The following STAB2 variants were observed in gnomAD, a reference collection of about 807,000 sequenced individuals.
STAB2 encodes stabilin 2.
Under a neutral mutation model 338.1 loss-of-function variants are expected in STAB2, and 288 were observed. The ratio of observed to expected loss-of-function variants is 0.85; its 90% confidence interval spans 0.77 to 0.94. STAB2 has a LOEUF of 0.94. Ranked by LOEUF, STAB2 falls within the 40% of genes least tolerant of loss-of-function variation. The pLI is 0.00. For synonymous variants in STAB2, 1,202 were observed against 1,193.3 expected (o/e 1.01, Z -0.15); for missense variants, 3,141 against 3,210.1 (o/e 0.98, Z 0.52).
At chr12:103,602,243 C>A (rs1349831611) in intron 3 of STAB2, among the ~76,000 whole-genome samples, 2 of 152,184 alleles carry the variant, frequency 1.3e-5, no homozygotes, top group Non-Finnish European at 2.9e-5. Flanking sequence ...AGTCTTGTTT[C>A]TTTCCCTTGG....
chr12:103,735,427 C>G (rs970015600), intron 51 of STAB2, 64 bp from the exon 52 acceptor site: 1 of 1,265,244 alleles, frequency 7.9e-7, no homozygotes, highest in African/African-American at 1.5e-5. Flanking sequence ...TGGTAAAGCT[C>G]CTTCGGGCCG....
intron 26 of STAB2, among the ~76,000 whole-genome samples, chr12:103,684,755 T>A (rs1469824292): frequency 6.6e-6 from 1 of 152,248 alleles, no homozygotes. Context: ...TCCTGTATTT[T>A]TTTATTTGCT....
At chr12:103,613,653 G>A (rs7978206) in intron 3 of STAB2, among the ~76,000 whole-genome samples, 1,702 of 152,072 alleles carry the variant, frequency 0.011, 44 homozygotes, top group African/African-American at 0.038. Context: ...GCAATGCCTC[G>A]CCCTGCTTCA....
At chr12:103,745,744 C>T in intron 57 of STAB2, among the ~76,000 whole-genome samples, 1 of 152,310 alleles carries the variant, frequency 6.6e-6, no homozygotes, top group African/African-American at 2.4e-5. Flanking sequence ...AAAAGAACTC[C>T]ATGCTACACA....
intron 65 of STAB2, among the ~76,000 whole-genome samples, chr12:103,760,413 A>C (rs1320560203): frequency 2.6e-5 from 4 of 152,110 alleles, no homozygotes; most frequent in Admixed American, 2.0e-4. Context: ...GGTGCCCGCC[A>C]CCACACTCAG....
intron 39 of STAB2, 72 bp downstream of exon 39, chr12:103,708,608 A>G: frequency 2.1e-6 from 3 of 1,433,908 alleles, no homozygotes; most frequent in Non-Finnish European, 1.9e-6. Context: ...TTTTCTTTCT[A>G]AAATATAAAT....
intron 18 of STAB2, among the ~76,000 whole-genome samples, chr12:103,663,761 A>C (rs1874830119): frequency 6.6e-6 from 1 of 152,178 alleles, no homozygotes; most frequent in African/African-American, 2.4e-5. Context: ...ATTTCCCAAC[A>C]AGATCACATT....
Position 103,640,168 on chromosome 12 carries a change from G to C in STAB2, c.952G>C (p.Val318Leu), listed in dbSNP as rs1338688113. The C allele has an allele frequency of 1.9e-6, 3 of 1,613,674 alleles. No individual in the cohort carries two copies. Among genetic ancestry groups the C allele is most frequent in the Non-Finnish European group, 2.5e-6 (3 of 1,179,686 alleles). Residue 318 changes from valine (V) to leucine (L), a missense_variant, in exon 9 of 69, where the codon GTG (valine) becomes CTG (leucine). Val to Leu is a conservative substitution (Grantham distance 32). Transcript: ENST00000388887. ...KEHYQNFVPGVGCSMTDICKS... is the reference protein window; with the variant it reads ...KEHYQNFVPGLGCSMTDICKS... ...GCATTACCAGAATTTCGTACCTGGA[G>C]TGGGGTGCAGTATGACTGATATATG...
intron 5 of STAB2, among the ~76,000 whole-genome samples, chr12:103,624,740 C>T (rs11111683): frequency 0.18 from 26,708 of 151,984 alleles, 2,673 homozygotes; most frequent in South Asian, 0.42. Flanking sequence ...GAGTTTGAGA[C>T]CAGCCTGGCC....
chr12:103,733,306 A>G, intron 51 of STAB2, 124 bp downstream of exon 51: 2 of 1,140,912 alleles, frequency 1.8e-6, no homozygotes, highest in Non-Finnish European at 2.6e-6. Context: ...GCAGGAAGCC[A>G]CAGCATCCCC....
intron 26 of STAB2, 47 bp downstream of exon 26, chr12:103,683,347 A>AC: frequency 1.4e-6 from 2 of 1,429,874 alleles, no homozygotes; most frequent in Admixed American, 4.1e-5. Flanking sequence ...AAAAAAAAAA[A>AC]CAATGCTTGA....
At chr12:103,683,738 T>C (rs1877143331) in intron 26 of STAB2, among the ~76,000 whole-genome samples, 1 of 152,204 alleles carries the variant, frequency 6.6e-6, no homozygotes, top group Non-Finnish European at 1.5e-5. Flanking sequence ...ACAACAGAGT[T>C]TTACAAGTTA....
rs536240818 is a variant in STAB2, at chr12:103,665,068, G to A, written c.2023-1223G>A. 1.8e-4 allele frequency among the ~76,000 whole-genome samples: 28 copies of A among 152,272 alleles called. No individual in the cohort carries two copies. In the South Asian group the frequency reaches 5.0e-3, roughly 27 times the overall value. ...ACCCAAAGAATTTTGGTTACATAAG[G>A]AAAAGAACTTCCTAATAGCTGCCTT... On this transcript the variant is annotated intron_variant, in intron 18 of 68. Coordinates refer to ENST00000388887, the MANE Select transcript of STAB2 (RefSeq NM_017564.10).
intron 47 of STAB2, among the ~76,000 whole-genome samples, chr12:103,727,978 C>T (rs1881344505): frequency 1.3e-5 from 2 of 152,120 alleles, no homozygotes; most frequent in African/African-American, 4.8e-5. Flanking sequence ...GTGTACTTAA[C>T]CACTGTACAC....
intron 5 of STAB2, among the ~76,000 whole-genome samples, chr12:103,624,958 A>G (rs868744402): frequency 0.014 from 1,975 of 145,588 alleles, 46 homozygotes; most frequent in African/African-American, 0.047. Flanking sequence ...AAAAAAAAAA[A>G]AAAGGATATT....
At chr12:103,617,591 C>T (rs1957230050) in intron 3 of STAB2, among the ~76,000 whole-genome samples, 1 of 152,236 alleles carries the variant, frequency 6.6e-6, no homozygotes, top group South Asian at 2.1e-4. Context: ...ATTCTGACTG[C>T]AATGTCCCAG....
chr12:103,587,589 G>C, intron 1 of STAB2, 32 bp downstream of exon 1: 2 of 1,564,950 alleles, frequency 1.3e-6, no homozygotes, highest in Non-Finnish European at 1.8e-6. Context: ...TTTTTCATTT[G>C]TTAATTGTCA....
intron 30 of STAB2, among the ~76,000 whole-genome samples, 170 bp from the exon 31 acceptor site, chr12:103,692,634 TGAGAGAGA>T (rs66556393): frequency 4.0e-5 from 6 of 151,054 alleles, no homozygotes; most frequent in Non-Finnish European, 7.4e-5. Context: ...TGCACGTGTG[TGAGAGAGA>T]GAGAGAGAGG....
chr12:103,731,545 AG>A (rs1281422337), intron 49 of STAB2, 30 bp from the exon 50 acceptor site: 2 of 1,610,196 alleles, frequency 1.2e-6, no homozygotes, highest in East Asian at 4.5e-5. Flanking sequence ...TATAAGGAAA[AG>A]TTTCATGCCC....
Sources: gnomAD v4.1 joint callset for allele counts (sites outside exome capture counted in the v4.1 genomes callset) on GRCh38, gnomAD v4.1.1 for gene constraint, MANE v1.5 for transcripts, NCBI Gene and HGNC (gene_info 2026-07-23, HGNC 2026-07-21) for gene names.